SLC25A12: variants seen among roughly 807,000 people sequenced by gnomAD.
SLC25A12 encodes solute carrier family 25 member 12, also known as electrogenic aspartate/glutamate antiporter SLC25A12, mitochondrial.
A neutral mutation model predicts 83.3 loss-of-function variants in SLC25A12; 32 were observed. The observed-to-expected ratio is 0.38, with a 90% CI of 0.29 to 0.52. SLC25A12 has a LOEUF of 0.52. Ranked by LOEUF, SLC25A12 falls within the 20% of genes least tolerant of loss-of-function variation. SLC25A12 has a pLI of 0.84. For synonymous variants in SLC25A12, 267 were observed against 291.1 expected, an observed-to-expected ratio of 0.92 and a Z score of 0.84; for missense variants, 611 against 835.6, an observed-to-expected ratio of 0.73 and a Z score of 3.31.
chr2:171,814,966 C>T, intron 10 of SLC25A12, 155 bp downstream of exon 10: 1 of 675,748 alleles, frequency 1.5e-6, no homozygotes, highest in Non-Finnish European at 2.8e-6. Flanking sequence ...TACGACAAGT[C>T]TCCTGATCAT....
rs1685187436 is a variant in SLC25A12 at position 171,862,610 on chromosome 2, A to T, written c.209+6071T>A. On this transcript the variant is annotated intron_variant, in intron 3 of 17. Transcript: ENST00000422440. ...GGGGAAGGATTGCAGAGCACAAAAG[A>T]GCGTGTTTCAACCACTCCTAGACCA... Among the ~76,000 whole-genome samples, 3 of 152,308 alleles carry T rather than the reference A, an allele frequency of 2.0e-5. No individual in the cohort carries two copies. In the East Asian group the frequency reaches 5.8e-4, roughly 29 times the overall value.
At chr2:171,835,668 T>A (rs376644687) in intron 6 of SLC25A12, among the ~76,000 whole-genome samples, 2 of 152,252 alleles carry the variant, frequency 1.3e-5, no homozygotes, top group African/African-American at 4.8e-5. Context: ...GGAACCCATA[T>A]GATTGAAAAC....
At chr2:171,826,993 T>G in intron 8 of SLC25A12, 111 bp from the exon 9 acceptor site, 1 of 709,156 alleles carries the variant, frequency 1.4e-6, no homozygotes, top group Admixed American at 2.3e-5. Context: ...TTTAAAATCA[T>G]TACTTCCCTA....
intron 2 of SLC25A12, among the ~76,000 whole-genome samples, chr2:171,891,715 A>G (rs1432686562): frequency 6.6e-6 from 1 of 152,266 alleles, no homozygotes; most frequent in Non-Finnish European, 1.5e-5. Flanking sequence ...ACAATTGACT[A>G]TAATCACATG....
At chr2:171,801,674 T>C (rs1488508112) in intron 13 of SLC25A12, among the ~76,000 whole-genome samples, 1 of 152,204 alleles carries the variant, frequency 6.6e-6, no homozygotes, top group African/African-American at 2.4e-5. Context: ...CAGTACAGTA[T>C]TCAATAAATT....
intron 2 of SLC25A12, among the ~76,000 whole-genome samples, chr2:171,883,068 A>T (rs1178605754): frequency 3.3e-5 from 5 of 152,230 alleles, no homozygotes; most frequent in Non-Finnish European, 2.9e-5. Context: ...CAAGAATGTA[A>T]GTAATTAACT....
chr2:171,793,126 T>G (rs984035525), intron 14 of SLC25A12, among the ~76,000 whole-genome samples: 8 of 151,528 alleles, frequency 5.3e-5, no homozygotes, highest in East Asian at 1.9e-4. Context: ...TTGGTTTGTT[T>G]TTTTTTTTTT....
intron 11 of SLC25A12, among the ~76,000 whole-genome samples, chr2:171,810,747 TA>T (rs1683931448): frequency 6.6e-6 from 1 of 152,250 alleles, no homozygotes; most frequent in Admixed American, 6.5e-5. Flanking sequence ...GCTTCGTTAT[TA>T]TAGAATACTA....
chr2:171,795,517 T>G (rs1301135416), intron 13 of SLC25A12, among the ~76,000 whole-genome samples: 1 of 152,240 alleles, frequency 6.6e-6, no homozygotes, highest in African/African-American at 2.4e-5. Flanking sequence ...CTTGTTTAAA[T>G]AATGGTTGCA....
intron 3 of SLC25A12, among the ~76,000 whole-genome samples, chr2:171,867,591 C>T (rs1023660008): frequency 1.3e-4 from 20 of 152,144 alleles, no homozygotes; most frequent in African/African-American, 4.8e-4. Context: ...AGCTTCGGCT[C>T]GGCATCAGAG....
intron 8 of SLC25A12, among the ~76,000 whole-genome samples, chr2:171,828,140 GA>G (rs1684351218): frequency 6.6e-6 from 1 of 152,204 alleles, no homozygotes; most frequent in African/African-American, 2.4e-5. Flanking sequence ...CAGTCTTTCA[GA>G]GGCTGTTTCC....
chr2:171,879,394 T>G (rs536416768), intron 2 of SLC25A12, among the ~76,000 whole-genome samples: 106 of 152,348 alleles, frequency 7.0e-4, no homozygotes, highest in Non-Finnish European at 1.2e-3. Flanking sequence ...ATATTTTCAC[T>G]GTCCACTATA....
chr2:171,806,588 T>C (rs1207130547), intron 13 of SLC25A12, among the ~76,000 whole-genome samples: 2 of 152,222 alleles, frequency 1.3e-5, no homozygotes, highest in African/African-American at 4.8e-5. Flanking sequence ...CACACCATTT[T>C]TCCTAAAAGG....
At chr2:171,843,258 C>A (rs181928296) in intron 5 of SLC25A12, among the ~76,000 whole-genome samples, 1 of 152,250 alleles carries the variant, frequency 6.6e-6, no homozygotes, top group East Asian at 1.9e-4. Context: ...AAAAAGAGAT[C>A]TTAATAATTG....
At chr2:171,874,126 T>C (rs1685513374) in intron 2 of SLC25A12, among the ~76,000 whole-genome samples, 1 of 152,194 alleles carries the variant, frequency 6.6e-6, no homozygotes, top group African/African-American at 2.4e-5. Flanking sequence ...CTCGGAAGGC[T>C]GAGGCAGGAG....
At chr2:171,815,712 A>G (rs541788446) in intron 9 of SLC25A12, among the ~76,000 whole-genome samples, 1 of 152,214 alleles carries the variant, frequency 6.6e-6, no homozygotes, top group South Asian at 2.1e-4. Flanking sequence ...AAAAATCTAT[A>G]ATAATAAAAA....
At chr2:171,867,187 G>A (rs1315443691) in intron 3 of SLC25A12, among the ~76,000 whole-genome samples, 4 of 150,524 alleles carry the variant, frequency 2.7e-5, no homozygotes, top group East Asian at 2.0e-4. Context: ...CGTCCCAGAC[G>A]ATGGGCGGCC....
chr2:171,874,571 T>C (rs1192999093), intron 2 of SLC25A12, among the ~76,000 whole-genome samples: 8 of 152,218 alleles, frequency 5.3e-5, no homozygotes, highest in Non-Finnish European at 1.2e-4. Flanking sequence ...ATTGTTCTTT[T>C]TGCCACAGAG....
rs753767996 is a variant in SLC25A12, at chr2:171,868,832, AT to A, written c.67-10del. On this transcript the variant is annotated splice_polypyrimidine_tract_variant and intron_variant, in intron 2 of 17. Transcript: ENST00000422440. The stretch of plus-strand genomic sequence containing the variant: ...ACCTCAGTACTGGCATACTAAAAAA[AT>A]AAATAAATAATGCATACTGAAAAAT... The A allele has an allele frequency of 3.1e-6, 5 of 1,602,474 alleles. No homozygotes were observed. The highest frequency in any genetic ancestry group is 4.3e-6 in the Non-Finnish European group (5 of 1,169,522).
Sources: gnomAD v4.1 joint callset for allele counts (sites outside exome capture counted in the v4.1 genomes callset) on GRCh38, gnomAD v4.1.1 for gene constraint, MANE v1.5 for transcripts, NCBI Gene and HGNC (gene_info 2026-07-23, HGNC 2026-07-21) for gene names.